SDC3: variants seen among roughly 807,000 people sequenced by gnomAD.
SDC3 encodes syndecan-3.
SDC3 carries 13 observed loss-of-function variants against 24.4 expected under a neutral mutation model. That is an observed-to-expected ratio of 0.53 (90% confidence interval 0.35 to 0.85). The LOEUF (loss-of-function observed/expected upper bound fraction) is 0.85. Ranked by LOEUF, SDC3 falls within the 40% of genes least tolerant of loss-of-function variation. The probability of loss-of-function intolerance (pLI) is 0.01; values close to 1 mark genes in which losing one functional copy is unlikely to be tolerated. For missense variants in SDC3, 571 were observed against 584.5 expected, an observed-to-expected ratio of 0.98 and a Z score of 0.24; for synonymous variants, 295 against 260.9, an observed-to-expected ratio of 1.13 and a Z score of -1.26.
Position 30,908,677 on chromosome 1 carries a change from G to T in SDC3, c.-91C>A. On this transcript the variant is annotated 5_prime_UTR_variant, in exon 1 of 5. Coordinates refer to ENST00000339394, the MANE Select transcript of SDC3 (RefSeq NM_014654.4). Reference sequence around the variant, plus strand: ...GGGGCGGCTGCTTGGCGGCGGCGCGGCCCGGCGGCTGGACCGACGCGCTCT... The same window carrying T: ...GGGGCGGCTGCTTGGCGGCGGCGCGTCCCGGCGGCTGGACCGACGCGCTCT... The T allele has an allele frequency of 2.3e-6, 1 of 439,010 alleles. No homozygotes were observed. The highest frequency in any genetic ancestry group is 3.0e-6 in the Non-Finnish European group (1 of 333,552). The allele number at this position is 439,010 out of a possible 1,614,324, so 27.2% of individuals were successfully genotyped here.
At chr1:30,894,206 AGAGT>A (rs1038693917) in intron 1 of SDC3, among the ~76,000 whole-genome samples, 3 of 146,222 alleles carry the variant, frequency 2.1e-5, no homozygotes, top group Non-Finnish European at 4.5e-5. Context: ...TGTGTGCATG[AGAGT>A]GTGTGTGTGA....
chr1:30,894,328 T>C (rs1570019666), intron 1 of SDC3, among the ~76,000 whole-genome samples: 1 of 96,630 alleles, frequency 1.0e-5, no homozygotes, highest in Admixed American at 1.2e-4. Context: ...AGTGTGTGGA[T>C]GAGTGTGTGT....
intron 1 of SDC3, among the ~76,000 whole-genome samples, chr1:30,908,212 G>A (rs1271486818): frequency 6.6e-6 from 1 of 151,500 alleles, no homozygotes; most frequent in East Asian, 2.0e-4. Flanking sequence ...GACCAGCGGC[G>A]GGGGCGGCCT....
intron 1 of SDC3, among the ~76,000 whole-genome samples, chr1:30,900,426 C>A (rs77255057): frequency 0.017 from 2,591 of 152,322 alleles, 55 homozygotes; most frequent in East Asian, 0.049. Flanking sequence ...CCAACAATGG[C>A]ATCCAGGCCT....
upstream of SDC3, among the ~76,000 whole-genome samples, chr1:30,909,632 T>G (rs777905658): frequency 6.2e-4 from 94 of 152,314 alleles, no homozygotes; most frequent in Non-Finnish European, 8.8e-4. Flanking sequence ...AAGTCTCCAA[T>G]GGCGTGTTAG....
chr1:30,886,346 C>T (rs540514204), intron 1 of SDC3, among the ~76,000 whole-genome samples: 1 of 152,088 alleles, frequency 6.6e-6, no homozygotes, highest in Non-Finnish European at 1.5e-5. Flanking sequence ...ACAATGCCTC[C>T]TTTGTCAGCC....
rs376386458 is a variant in SDC3 at position 30,876,594 on chromosome 1, C to G, written c.828G>C (p.Leu276=). The G allele has an allele frequency of 6.5e-7, 1 of 1,537,350 alleles. No individual in the cohort carries two copies. Residue 276 remains leucine, a synonymous_variant, in exon 3 of 5, where the codon CTG becomes CTC. Coordinates refer to ENST00000339394, the MANE Select transcript of SDC3 (RefSeq NM_014654.4). ...GTCCAGGGGCAGTGGTCCCCAGGGG[C>G]AGGGTGCTCCTCTCAGGGATGTCAG... The part of the protein sequence containing the change: ...QEPDIPERST[L]PLGTTAPGPT...
chr1:30,884,490 G>GCCT lies in SDC3; in HGVS notation c.139-5753_139-5751dup, dbSNP rs540849080. 1.9e-4 allele frequency among the ~76,000 whole-genome samples: 29 copies of GCCT among 152,096 alleles called. No individual in the cohort carries two copies. In the South Asian group the frequency reaches 5.8e-3, roughly 31 times the overall value. On this transcript the variant is annotated intron_variant, in intron 1 of 4. Transcript: ENST00000339394. The stretch of plus-strand genomic sequence containing the variant: ...GGCAGCAGAGCCCTCCCTACCCCAA[G>GCCT]CCTGTATCTCTCCTGTCACCTCCAG...
Position 30,876,825 on chromosome 1 carries a change from G to T in SDC3, c.597C>A (p.Thr199=). The change falls in exon 3 of 5, where the codon ACC becomes ACA. Residue 199 remains threonine (T), a synonymous_variant. Coordinates refer to ENST00000339394, the MANE Select transcript of SDC3 (RefSeq NM_014654.4). Reference sequence around the variant, plus strand: ...CGCCAGTGGTCCTTATAACAGCAGTGGTGGCCGTAAAAGGGGGTGCTGCAG... The same window carrying T: ...CGCCAGTGGTCCTTATAACAGCAGTTGTGGCCGTAAAAGGGGGTGCTGCAG... ...STPAAPPFTA[T]TAVIRTTGVR... 6.2e-7 allele frequency: 1 copy of T among 1,611,578 alleles called. No homozygotes were observed. Among genetic ancestry groups the T allele is most frequent in the Non-Finnish European group, 8.5e-7 (1 of 1,178,802 alleles).
chr1:30,894,834 T>C (rs1639977855), intron 1 of SDC3, among the ~76,000 whole-genome samples: 3 of 151,964 alleles, frequency 2.0e-5, no homozygotes, highest in Admixed American at 2.0e-4. Context: ...TCCATGTGTG[T>C]ATGCCTAGGG....
At chr1:30,879,772 G>A (rs1295826717) in intron 1 of SDC3, among the ~76,000 whole-genome samples, 1 of 152,304 alleles carries the variant, frequency 6.6e-6, no homozygotes, top group South Asian at 2.1e-4. Flanking sequence ...GTGGTCCCTG[G>A]AAGCCCCCAA....
rs1638576392 is a variant in SDC3, at chr1:30,908,460, G to A, written c.127C>T (p.Arg43Cys). 9.6e-6 allele frequency: 10 copies of A among 1,036,948 alleles called. No homozygotes were observed. Among genetic ancestry groups the A allele is most frequent in the Non-Finnish European group, 1.2e-5 (10 of 859,948 alleles). The allele number at this position is 1,036,948 out of a possible 1,614,324, so 64.2% of individuals were successfully genotyped here. A position where few individuals can be genotyped will look rare whatever the true frequency, so the allele number is the denominator to read the frequency against. ...PPLLLLLLAG[R>C]AAGAQRWRSE... ...CGCGTGTCACTCACCCCCGCGGCGC[G>A]CCCCGCCAGCAGCAGCAGCAGCAGC... Residue 43 changes from arginine (R) to cysteine (C), a missense_variant, in exon 1 of 5, where the codon CGC (arginine) becomes TGC (cysteine). By Grantham distance (180) the Arg-to-Cys change is radical (BLOSUM62 -3). Around this residue, in one of 2 missense-constraint regions of SDC3, gnomAD observed 497 missense variants for 471.6 expected, o/e 1.05. Coordinates refer to ENST00000339394, the MANE Select transcript of SDC3 (RefSeq NM_014654.4).
At chr1:30,905,620 G>C (rs1312950572) in intron 1 of SDC3, among the ~76,000 whole-genome samples, 1 of 152,072 alleles carries the variant, frequency 6.6e-6, no homozygotes, top group Non-Finnish European at 1.5e-5. Context: ...CCACAAGGTA[G>C]TGGTCTCCCA....
chr1:30,877,008 T>C lies in SDC3; in HGVS notation c.414A>G (p.Pro138=). 1 of 1,613,690 alleles carries C rather than the reference T, an allele frequency of 6.2e-7. No individual in the cohort carries two copies. Among genetic ancestry groups the C allele is most frequent in the Non-Finnish European group, 8.5e-7 (1 of 1,179,904 alleles). ...CTGTCACCACCAGGGGGCTGGTGGC[T>C]GGCTCCAGGGTGGGGCGCTCAGAGG... ...ELPSERPTLE[P]ATSPLVVTEV... The change falls in exon 3 of 5, where the codon CCA becomes CCG. Residue 138 remains proline, a synonymous_variant. Transcript: ENST00000339394.
chr1:30,883,742 G>A (rs1414572268), intron 1 of SDC3, among the ~76,000 whole-genome samples: 2 of 152,210 alleles, frequency 1.3e-5, no homozygotes, highest in Non-Finnish European at 2.9e-5. Flanking sequence ...GGCACAGAGA[G>A]GGGAAAGCCT....
At chr1:30,886,164 G>A (rs1157584450) in intron 1 of SDC3, among the ~76,000 whole-genome samples, 3 of 147,630 alleles carry the variant, frequency 2.0e-5, no homozygotes, top group East Asian at 2.0e-4. Flanking sequence ...CTGGGAACAC[G>A]GGCTCCTTCA....
At chr1:30,892,501 C>T (rs1210290889) in intron 1 of SDC3, among the ~76,000 whole-genome samples, 5 of 152,188 alleles carry the variant, frequency 3.3e-5, no homozygotes, top group Admixed American at 6.5e-5. Context: ...GAAACCAAAG[C>T]TCTGCAGTAG....
In SDC3 at chr1:30,870,178, C is replaced by A. The variant is rs576021809; in HGVS notation, c.*3033G>T. On this transcript the variant is annotated 3_prime_UTR_variant, in exon 5 of 5. Coordinates refer to ENST00000339394, the MANE Select transcript of SDC3 (RefSeq NM_014654.4). Reference sequence around the variant, plus strand: ...GGCCTGACAGGCGGCTTTGCCAACCCCAGGGGGGTTTGGCCCACACACCCT... The same window carrying A: ...GGCCTGACAGGCGGCTTTGCCAACCACAGGGGGGTTTGGCCCACACACCCT... 38 of 347,968 alleles carry A rather than the reference C, an allele frequency of 1.1e-4. No homozygotes were observed. Among genetic ancestry groups the A allele is most frequent in the African/African-American group, 7.1e-4 (34 of 47,668 alleles). 21.6% of individuals were successfully genotyped at this position (347,968 alleles called of 1,614,324 possible). A position where few individuals can be genotyped will look rare whatever the true frequency, so the allele number is the denominator to read the frequency against.
At chr1:30,895,081 G>C (rs1639981448) in intron 1 of SDC3, among the ~76,000 whole-genome samples, 1 of 152,040 alleles carries the variant, frequency 6.6e-6, no homozygotes, top group Non-Finnish European at 1.5e-5. Context: ...CCACAGTGTT[G>C]CGGGTAAGCC....
Sources: gnomAD v4.1 joint callset for allele counts (sites outside exome capture counted in the v4.1 genomes callset) on GRCh38, gnomAD v4.1.1 for gene constraint, gnomAD v4.1.1 regional missense constraint, MANE v1.5 for transcripts, NCBI Gene and HGNC (gene_info 2026-07-23, HGNC 2026-07-21) for gene names.